The following CCDC91 variants were observed in gnomAD, a reference collection of about 807,000 sequenced individuals.
The protein encoded by CCDC91 is coiled-coil domain-containing protein 91.
In CCDC91, 48 loss-of-function variants were observed where a neutral mutation model predicts 63.2. The observed-to-expected ratio is 0.76, with a 90% confidence interval of 0.60 to 0.97. The LOEUF is 0.97. Among genes scored for constraint, CCDC91 ranks in the 50% least tolerant of loss-of-function variants. The pLI, the probability that CCDC91 is intolerant of heterozygous loss-of-function variation, is 0.00. For synonymous variants in CCDC91, 167 were observed against 165.8 expected (o/e 1.01, Z -0.06); for missense variants, 500 against 494.6 (o/e 1.01, Z -0.10).
intron 3 of CCDC91, among the ~76,000 whole-genome samples, chr12:28,285,112 T>C (rs1948834876): frequency 6.6e-6 from 1 of 152,182 alleles, no homozygotes; most frequent in Admixed American, 6.5e-5. Context: ...TTTTAGAACT[T>C]ATTAATTGTA....
intron 1 of CCDC91, among the ~76,000 whole-genome samples, chr12:28,218,203 C>T (rs572485946): frequency 2.0e-5 from 3 of 152,112 alleles, no homozygotes; most frequent in South Asian, 2.1e-4. Flanking sequence ...GTAGTTCTGC[C>T]TAAGAGATAA....
At chr12:28,547,059 G>A (rs1420666752) in intron 12 of CCDC91, among the ~76,000 whole-genome samples, 1 of 152,058 alleles carries the variant, frequency 6.6e-6, no homozygotes, top group Non-Finnish European at 1.5e-5. Flanking sequence ...ATGAAATAAA[G>A]TGATTGTGTG....
chr12:28,321,916 G>A (rs916907641), intron 6 of CCDC91, among the ~76,000 whole-genome samples: 11 of 151,432 alleles, frequency 7.3e-5, no homozygotes, highest in African/African-American at 1.7e-4. Context: ...ATCATTATAC[G>A]TATAGTATAT....
intron 8 of CCDC91, among the ~76,000 whole-genome samples, chr12:28,442,111 A>G (rs1949256627): frequency 6.6e-6 from 1 of 152,094 alleles, no homozygotes; most frequent in African/African-American, 2.4e-5. Flanking sequence ...ATATGTTCAA[A>G]GCATTCTGCA....
intron 12 of CCDC91, among the ~76,000 whole-genome samples, chr12:28,533,740 C>T (rs1046104959): frequency 6.6e-6 from 1 of 151,154 alleles, no homozygotes; most frequent in Non-Finnish European, 1.5e-5. Flanking sequence ...TTCTCCCTTG[C>T]CTTTTTAGAA....
intron 12 of CCDC91, among the ~76,000 whole-genome samples, chr12:28,495,203 A>T (rs759316134): frequency 4.5e-4 from 68 of 151,734 alleles, no homozygotes; most frequent in Admixed American, 9.2e-4. Flanking sequence ...AGACGTTTTC[A>T]AGGATGGGCA....
At chr12:28,468,846 AT>A (rs1409073691) in intron 11 of CCDC91, among the ~76,000 whole-genome samples, 2 of 152,136 alleles carry the variant, frequency 1.3e-5, no homozygotes, top group Non-Finnish European at 2.9e-5. Context: ...CCATTTGATC[AT>A]TTCAATCGAT....
At chr12:28,424,592 T>A (rs1948202559) in intron 8 of CCDC91, among the ~76,000 whole-genome samples, 3 of 152,182 alleles carry the variant, frequency 2.0e-5, no homozygotes, top group Admixed American at 1.3e-4. Context: ...TTTATTAGTC[T>A]TTTTTTCCAT....
intron 6 of CCDC91, among the ~76,000 whole-genome samples, chr12:28,342,124 A>C (rs11049543): frequency 0.2 from 30,774 of 152,134 alleles, 4,084 homozygotes; most frequent in Non-Finnish European, 0.3. Flanking sequence ...ACAAAGAAGC[A>C]TGAGAAGAAT....
intron 3 of CCDC91, among the ~76,000 whole-genome samples, chr12:28,301,756 A>G (rs1260157020): frequency 6.6e-6 from 1 of 151,696 alleles, no homozygotes; most frequent in Non-Finnish European, 1.5e-5. Context: ...AAGTTGAAAA[A>G]AATATTTAAT....
At chr12:28,280,840 G>A (rs1251471207) in intron 3 of CCDC91, among the ~76,000 whole-genome samples, 2 of 150,160 alleles carry the variant, frequency 1.3e-5, no homozygotes, top group Non-Finnish European at 3.0e-5. Flanking sequence ...AGCCAGGTAT[G>A]GTGGCATGCA....
At chr12:28,261,453 CAACACAGAAATTAGAAGTAG>C (rs2136217609) in intron 3 of CCDC91, among the ~76,000 whole-genome samples, 1 of 151,872 alleles carries the variant, frequency 6.6e-6, no homozygotes, top group African/African-American at 2.4e-5. Context: ...GCTAGTGCTG[CAACACAGAAATTAGAAGTAG>C]AAAATTTCAA....
At chr12:28,394,541 T>C (rs1276349858) in intron 8 of CCDC91, among the ~76,000 whole-genome samples, 4 of 152,116 alleles carry the variant, frequency 2.6e-5, no homozygotes, top group Non-Finnish European at 5.9e-5. Flanking sequence ...ATGTAACATA[T>C]AGAAATGGTG....
chr12:28,276,273 TTAAA>T (rs998777325), intron 3 of CCDC91, among the ~76,000 whole-genome samples: 14 of 151,980 alleles, frequency 9.2e-5, no homozygotes, highest in African/African-American at 3.4e-4. Context: ...TTATTTTTCT[TTAAA>T]AAGAAAGGGA....
chr12:28,544,849 G>A (rs1942875077), intron 12 of CCDC91, among the ~76,000 whole-genome samples: 1 of 151,904 alleles, frequency 6.6e-6, no homozygotes, highest in Admixed American at 6.6e-5. Context: ...CTTTTGCAAT[G>A]GCATGAAACA....
Position 28,419,560 on chromosome 12 carries a change from A to C in CCDC91, c.762+28149A>C, listed in dbSNP as rs539694326. The stretch of plus-strand genomic sequence containing the variant: ...GCAAAATGGCTACTTTTGTCTAAGT[A>C]GAATATTGGACAAAATTTATTGACA... On this transcript the variant is annotated intron_variant, in intron 8 of 12. Transcript: ENST00000536442. Among the ~76,000 whole-genome samples, 9 of 152,294 alleles carry C rather than the reference A, an allele frequency of 5.9e-5. 1 individual carries two copies. In the South Asian group the frequency reaches 1.9e-3, roughly 32 times the overall value.
intron 7 of CCDC91, 85 bp from the exon 8 acceptor site, chr12:28,391,219 G>A: frequency 1.3e-6 from 1 of 753,474 alleles, no homozygotes; most frequent in Non-Finnish European, 2.4e-6. Flanking sequence ...ATTACAGTAT[G>A]TACAACTGTC....
At chr12:28,203,890 A>G (rs1467802883) in intron 1 of CCDC91, among the ~76,000 whole-genome samples, 1 of 152,166 alleles carries the variant, frequency 6.6e-6, no homozygotes, top group Non-Finnish European at 1.5e-5. Context: ...ATTATACTGA[A>G]TATTATTAAA....
At chr12:28,526,422 A>C (rs1941269974) in intron 12 of CCDC91, among the ~76,000 whole-genome samples, 1 of 152,098 alleles carries the variant, frequency 6.6e-6, no homozygotes, top group African/African-American at 2.4e-5. Flanking sequence ...GAGGAGGCTA[A>C]AGATAGGGCC....
Sources: allele counts gnomAD v4.1 joint callset (sites outside exome capture counted in the v4.1 genomes callset), GRCh38; gene constraint gnomAD v4.1.1; transcripts MANE v1.5; gene names NCBI Gene and HGNC (gene_info 2026-07-23, HGNC 2026-07-21).